VTI1A: variants seen among roughly 807,000 people sequenced by gnomAD.
VTI1A encodes the protein vesicle transport through interaction with t-SNAREs homolog 1A.
In VTI1A, 22 loss-of-function variants were observed where a neutral mutation model predicts 34.9. The ratio of observed to expected loss-of-function variants is 0.63; its 90% confidence interval spans 0.45 to 0.90. VTI1A has a LOEUF of 0.90. VTI1A is among the 40% of genes least tolerant of loss of function. VTI1A has a pLI of 0.00. For synonymous variants in VTI1A, 87 were observed against 97.3 expected (o/e 0.89, Z 0.62); for missense variants, 268 against 275.6 (o/e 0.97, Z 0.20).
chr10:112,557,627 A>G (rs534985990), intron 5 of VTI1A, among the ~76,000 whole-genome samples: 10 of 152,304 alleles, frequency 6.6e-5, no homozygotes, highest in South Asian at 4.1e-4. Context: ...AGGACCATTT[A>G]TATATGGTGG....
intron 5 of VTI1A, among the ~76,000 whole-genome samples, chr10:112,662,967 T>C (rs1454098008): frequency 6.6e-6 from 1 of 152,198 alleles, no homozygotes; most frequent in African/African-American, 2.4e-5. Flanking sequence ...TTGTCAATGT[T>C]TGAGCTGGAG....
chr10:112,565,005 A>C lies in VTI1A; in HGVS notation c.427+26675A>C, dbSNP rs538972997. Among the ~76,000 whole-genome samples, 3 of 152,204 alleles carry C rather than the reference A, an allele frequency of 2.0e-5. No individual in the cohort carries two copies. In the East Asian group the frequency reaches 5.8e-4, roughly 29 times the overall value. On this transcript the variant is annotated intron_variant, in intron 5 of 7. Transcript: ENST00000393077. ...AAAAAGTGGTGGGAGCTGATCACCT[A>C]TGCTGCCGTAAAATGAAACAGCTCC...
At chr10:112,795,963 G>A (rs1014107932) in intron 7 of VTI1A, among the ~76,000 whole-genome samples, 3 of 152,014 alleles carry the variant, frequency 2.0e-5, no homozygotes, top group Non-Finnish European at 4.4e-5. Context: ...TTTTCTTTCT[G>A]TGCAAAGACT....
chr10:112,654,456 A>G (rs1254699779), intron 5 of VTI1A, among the ~76,000 whole-genome samples: 1 of 152,132 alleles, frequency 6.6e-6, no homozygotes, highest in African/African-American at 2.4e-5. Context: ...CTCTTTCAGA[A>G]TATGCCCCAC....
intron 5 of VTI1A, among the ~76,000 whole-genome samples, chr10:112,636,182 C>G (rs1415614882): frequency 6.6e-6 from 1 of 152,172 alleles, no homozygotes; most frequent in Admixed American, 6.5e-5. Flanking sequence ...CTGTCAAAGT[C>G]AAGGCTGACT....
downstream of VTI1A, among the ~76,000 whole-genome samples, chr10:112,822,612 G>A (rs147999466): frequency 3.5e-4 from 53 of 152,220 alleles, no homozygotes; most frequent in African/African-American, 8.2e-4. Context: ...TGGCACAGAG[G>A]GGACACTGTG....
chr10:112,486,645 C>CAAAATATACAGTTGTATATTCTTA, intron 3 of VTI1A, among the ~76,000 whole-genome samples: 1 of 140,214 alleles, frequency 7.1e-6, no homozygotes, highest in South Asian at 2.3e-4. Context: ...AATAATATCA[C>CAAAATATACAGTTGTATATTCTTA]AGAATATACA....
downstream of VTI1A, among the ~76,000 whole-genome samples, chr10:112,820,692 G>T (rs908465792): frequency 2.0e-5 from 3 of 152,248 alleles, no homozygotes; most frequent in Admixed American, 6.5e-5. Context: ...CTGAGCCAGG[G>T]TTAGTGTCCT....
intron 5 of VTI1A, among the ~76,000 whole-genome samples, chr10:112,598,263 CTAAT>C (rs1844744664): frequency 6.6e-6 from 1 of 152,164 alleles, no homozygotes; most frequent in Non-Finnish European, 1.5e-5. Flanking sequence ...TTGTAAGTCT[CTAAT>C]TATCTAAAGC....
intron 3 of VTI1A, among the ~76,000 whole-genome samples, chr10:112,474,130 C>T (rs1371621582): frequency 6.6e-6 from 1 of 151,876 alleles, no homozygotes; most frequent in Non-Finnish European, 1.5e-5. Flanking sequence ...GGTGTGATCT[C>T]AGCTCACTGC....
At chr10:112,776,568 C>T (rs986095806) in intron 7 of VTI1A, among the ~76,000 whole-genome samples, 6 of 152,176 alleles carry the variant, frequency 3.9e-5, no homozygotes, top group African/African-American at 1.4e-4. Context: ...CCAGTGGCAC[C>T]ATCCCTACCT....
intron 3 of VTI1A, among the ~76,000 whole-genome samples, chr10:112,503,129 ATT>A (rs1391522012): frequency 3.3e-5 from 5 of 152,186 alleles, no homozygotes; most frequent in Non-Finnish European, 7.4e-5. Flanking sequence ...CATTCTAATT[ATT>A]CTCTTGTGGT....
At chr10:112,575,395 T>G (rs1852292915) in intron 5 of VTI1A, among the ~76,000 whole-genome samples, 1 of 152,194 alleles carries the variant, frequency 6.6e-6, no homozygotes, top group Admixed American at 6.5e-5. Flanking sequence ...CAAGTCAAGG[T>G]TTTCTTCATG....
At chr10:112,701,384 A>AG (rs1849004980) in intron 7 of VTI1A, among the ~76,000 whole-genome samples, 1 of 152,308 alleles carries the variant, frequency 6.6e-6, no homozygotes, top group African/African-American at 2.4e-5. Context: ...AGGGAAATTT[A>AG]GGGGGGCTCT....
At chr10:112,479,107 C>T (rs1244308211) in intron 3 of VTI1A, among the ~76,000 whole-genome samples, 1 of 152,146 alleles carries the variant, frequency 6.6e-6, no homozygotes, top group Non-Finnish European at 1.5e-5. Context: ...GCAGAGTTTG[C>T]AGTGAGCCAA....
rs544627596 is a variant in VTI1A at position 112,478,366 on chromosome 10, A to T, written c.264+13709A>T. On this transcript the variant is annotated intron_variant, in intron 3 of 7. Coordinates refer to ENST00000393077, the MANE Select transcript of VTI1A (RefSeq NM_145206.4). ...ATGGGAAAATGCGAGGGTCAAATAG[A>T]TAATGTTAAAACACTTGGAGAACTG... 1.1e-4 allele frequency among the ~76,000 whole-genome samples: 16 copies of T among 152,330 alleles called. No individual in the cohort carries two copies. The Middle Eastern group carries it at 0.014, about 130-fold the overall frequency.
chr10:112,474,074 T>A (rs1003661765), intron 3 of VTI1A, among the ~76,000 whole-genome samples: 1 of 152,174 alleles, frequency 6.6e-6, no homozygotes, highest in African/African-American at 2.4e-5. Flanking sequence ...TGACTTTTTT[T>A]TTTTTGAGAT....
At chr10:112,723,058 G>C (rs1233705534) in intron 7 of VTI1A, among the ~76,000 whole-genome samples, 1 of 152,164 alleles carries the variant, frequency 6.6e-6, no homozygotes, top group African/African-American at 2.4e-5. Context: ...TAATCACTCT[G>C]TGCCTCAAGT....
At chr10:112,467,073 C>T (rs1315331380) in intron 3 of VTI1A, among the ~76,000 whole-genome samples, 2 of 152,154 alleles carry the variant, frequency 1.3e-5, no homozygotes, top group Non-Finnish European at 2.9e-5. Context: ...GTATGGGAAT[C>T]AAGACTTCAG....
Sources: gnomAD v4.1 joint callset for allele counts (sites outside exome capture counted in the v4.1 genomes callset) on GRCh38, gnomAD v4.1.1 for gene constraint, MANE v1.5 for transcripts, NCBI Gene and HGNC (gene_info 2026-07-23, HGNC 2026-07-21) for gene names.